The following ITGB7 variants were observed in gnomAD, a reference collection of about 807,000 sequenced individuals.
The protein encoded by ITGB7 is integrin subunit beta 7.
In ITGB7, 55 loss-of-function variants were observed where a neutral mutation model predicts 83.4. The ratio of observed to expected loss-of-function variants is 0.66; its 90% CI spans 0.53 to 0.83. The LOEUF (loss-of-function observed/expected upper bound fraction) is 0.83. Ranked by LOEUF, ITGB7 falls within the 40% of genes least tolerant of loss-of-function variation. The probability of loss-of-function intolerance (pLI) is 0.00; values close to 1 mark genes in which losing one functional copy is unlikely to be tolerated. For missense variants in ITGB7, 921 were observed against 1,046.7 expected (o/e 0.88, Z 1.66); for synonymous variants, 454 against 423.6 (o/e 1.07, Z -0.88).
chr12:53,192,161 C>T lies in ITGB7; in HGVS notation c.2156-142G>A, dbSNP rs6580935. On this transcript the variant is annotated intron_variant, in intron 14 of 15. Transcript: ENST00000267082. The stretch of plus-strand genomic sequence containing the variant: ...CAGGGAGGTCCAAGGTTATCCTCAC[C>T]GCCCAGGGCCTTAGCCTCGTCCACT... 6.5e-3 allele frequency: 7,868 copies of T among 1,210,954 alleles called. 386 individuals are homozygous for T. The African/African-American group carries it at 0.1, about 16-fold the overall frequency. 75.0% of individuals were successfully genotyped at this position (1,210,954 alleles called of 1,614,324 possible).
chr12:53,194,442 C>G, intron 9 of ITGB7, 98 bp from the exon 10 acceptor site: 2 of 1,216,592 alleles, frequency 1.6e-6, no homozygotes, highest in Non-Finnish European at 2.3e-6. Flanking sequence ...TGCCAGCACC[C>G]TGCCCTCTGC....
Position 53,196,211 on chromosome 12 carries a change from T to C in ITGB7, c.817-12A>G. Reference sequence around the variant, plus strand: ...CAGCCAATCTGCTCCTGAGTTACAGTGGGGGTGGTAGGCTATGCACCTGGG... The same window carrying C: ...CAGCCAATCTGCTCCTGAGTTACAGCGGGGGTGGTAGGCTATGCACCTGGG... On this transcript the variant is annotated splice_polypyrimidine_tract_variant and intron_variant, in intron 6 of 15. Transcript: ENST00000267082. The C allele has an allele frequency of 1.2e-6, 2 of 1,613,550 alleles. No homozygotes were observed. Among genetic ancestry groups the C allele is most frequent in the Non-Finnish European group, 1.7e-6 (2 of 1,179,578 alleles).
Position 53,196,475 on chromosome 12 carries a change from A to G in ITGB7, c.816+104T>C, listed in dbSNP as rs1942163924. The G allele has an allele frequency of 2.6e-5, 37 of 1,408,110 alleles. No individual in the cohort carries two copies. The South Asian group carries it at 3.4e-4, about 13-fold the overall frequency. The allele number at this position is 1,408,110 out of a possible 1,614,324, so 87.2% of individuals were successfully genotyped here. A position where few individuals can be genotyped will look rare whatever the true frequency, so the allele number is the denominator to read the frequency against. On this transcript the variant is annotated intron_variant, in intron 6 of 15. Transcript: ENST00000267082. ...GCTAAATATACAAACTACAGCAACTATGGTATGAATGGCACCCCCTAGAAC... is the reference window on the plus strand; with the variant it reads ...GCTAAATATACAAACTACAGCAACTGTGGTATGAATGGCACCCCCTAGAAC...
At chr12:53,193,034 C>T (rs1235551296) in intron 12 of ITGB7, 106 bp downstream of exon 12, 10 of 1,368,386 alleles carry the variant, frequency 7.3e-6, no homozygotes. Flanking sequence ...CTAACCCATA[C>T]ACCGGAATCT....
In ITGB7 at chr12:53,197,954, G is replaced by C. The variant is rs527245776; in HGVS notation, c.202-3C>G. 3.3e-6 allele frequency: 5 copies of C among 1,536,974 alleles called. No homozygotes were observed. The African/African-American group carries it at 6.9e-5, about 21-fold the overall frequency. On this transcript the variant is annotated splice_polypyrimidine_tract_variant and splice_region_variant and intron_variant, in intron 3 of 15. Coordinates refer to ENST00000267082, the MANE Select transcript of ITGB7 (RefSeq NM_000889.3). ...GCCTCTCCCGACGCGGTGAAGTTCT[G>C]CTCAGCAAGAAAAGGCGCGTCGGGA...
chr12:53,196,383 G>T, intron 6 of ITGB7, 184 bp from the exon 7 acceptor site: 1 of 995,958 alleles, frequency 1.0e-6, no homozygotes, highest in Non-Finnish European at 1.4e-6. Context: ...GCTAGTGGAG[G>T]CTTACTTGTG....
rs764099131 is a variant in ITGB7 at position 53,192,328 on chromosome 12, A to G, written c.2155+2T>C. The G allele has an allele frequency of 6.2e-7, 1 of 1,613,664 alleles. No individual in the cohort carries two copies. Among genetic ancestry groups the G allele is most frequent in the South Asian group, 1.1e-5 (1 of 91,048 alleles). On this transcript the variant is annotated splice_donor_variant, in intron 14 of 15. Transcript: ENST00000267082. LOFTEE classifies it high-confidence loss of function. ...GGGTTTGTGGCATCCCTGCCCACTTACTTTCTTGGGGTCTCACTCTGAGCA... is the reference window on the plus strand; with the variant it reads ...GGGTTTGTGGCATCCCTGCCCACTTGCTTTCTTGGGGTCTCACTCTGAGCA...
chr12:53,202,029 G>A (rs568917816), intron 1 of ITGB7, among the ~76,000 whole-genome samples: 1 of 152,208 alleles, frequency 6.6e-6, no homozygotes, highest in African/African-American at 2.4e-5. Context: ...TCCAACAAGG[G>A]TGCCAAACCA....
intron 5 of ITGB7, chr12:53,197,191 A>C: frequency 1.8e-6 from 1 of 558,656 alleles, no homozygotes. Flanking sequence ...GACTTGCATC[A>C]GGGCAGGTTC....
chr12:53,197,356 G>T, intron 5 of ITGB7, 137 bp downstream of exon 5: 1 of 936,192 alleles, frequency 1.1e-6, no homozygotes, highest in Non-Finnish European at 1.8e-6. Flanking sequence ...ATGCAGGAAC[G>T]AACCTGTGGC....
intron 1 of ITGB7, among the ~76,000 whole-genome samples, chr12:53,205,400 G>C (rs1942418209): frequency 6.6e-6 from 1 of 151,914 alleles, no homozygotes; most frequent in African/African-American, 2.4e-5. Context: ...TGTTGCCCAG[G>C]CTGGTCTAGA....
intron 14 of ITGB7, 69 bp from the exon 15 acceptor site, chr12:53,192,088 T>C: frequency 6.5e-7 from 1 of 1,545,850 alleles, no homozygotes; most frequent in East Asian, 2.3e-5. Flanking sequence ...TTGCTCACAG[T>C]GTGTCCAGCC....
In ITGB7 at chr12:53,197,936, C is replaced by T; in HGVS notation, c.217G>A (p.Gly73Arg). 1.3e-6 allele frequency: 2 copies of T among 1,541,812 alleles called. No homozygotes were observed. The highest frequency in any genetic ancestry group is 1.7e-6 in the Non-Finnish European group (2 of 1,151,428). Residue 73 changes from glycine to arginine, a missense_variant, in exon 4 of 16, where the codon GGA becomes AGA. Coordinates refer to ENST00000267082, the MANE Select transcript of ITGB7 (RefSeq NM_000889.3). ...GCGCAGCGCCGCGCCTCCGCCTCTCCCGACGCGGTGAAGTTCTGCTCAGCA... is the reference window on the plus strand; with the variant it reads ...GCGCAGCGCCGCGCCTCCGCCTCTCTCGACGCGGTGAAGTTCTGCTCAGCA... ...WCKQLNFTAS[G>R]EAEARRCARR...
intron 1 of ITGB7, among the ~76,000 whole-genome samples, chr12:53,202,156 C>T (rs1007473499): frequency 3.3e-5 from 5 of 151,838 alleles, no homozygotes; most frequent in African/African-American, 1.2e-4. Context: ...GTCAGGAGTT[C>T]GAGACCAGCC....
In ITGB7 at chr12:53,191,948, C is replaced by T; in HGVS notation, c.2227G>A (p.Val743Ile). The T allele has an allele frequency of 6.2e-7, 1 of 1,611,604 alleles. No individual in the cohort carries two copies. Among genetic ancestry groups the T allele is most frequent in the Non-Finnish European group, 8.5e-7 (1 of 1,179,982 alleles). The part of the protein sequence containing the change: ...GGIVAVGLGL[V>I]LAYRLSVEIY... ...TCCACCGAGAGCCGGTAAGCCAGGACCAGCCCCAGCCCCACTGCCACGATG... is the reference window on the plus strand; with the variant it reads ...TCCACCGAGAGCCGGTAAGCCAGGATCAGCCCCAGCCCCACTGCCACGATG... The change falls in exon 15 of 16, where the codon GTC becomes ATC. Residue 743 changes from valine to isoleucine, a missense_variant. Transcript: ENST00000267082.
Position 53,195,358 on chromosome 12 carries a change from T to C in ITGB7, c.1161+16A>G. 1 of 1,593,420 alleles carries C rather than the reference T, an allele frequency of 6.3e-7. No homozygotes were observed. Among genetic ancestry groups the C allele is most frequent in the Non-Finnish European group, 8.6e-7 (1 of 1,162,040 alleles). ...AGTGCCCACCCTCACCATCTCCCCTTCCCCTGGCCCCTCACATTATAAGCA... is the reference window on the plus strand; with the variant it reads ...AGTGCCCACCCTCACCATCTCCCCTCCCCCTGGCCCCTCACATTATAAGCA... On this transcript the variant is annotated intron_variant, in intron 9 of 15. Transcript: ENST00000267082.
chr12:53,193,433 A>G (rs773805430), intron 11 of ITGB7, 70 bp from the exon 12 acceptor site: 15 of 1,135,428 alleles, frequency 1.3e-5, no homozygotes, highest in Admixed American at 2.9e-5. Flanking sequence ...CTCTCCCAGG[A>G]ACCTCTAAAC....
At position 53,196,216 on chromosome 12, in the gene ITGB7, G is replaced by A. The variant is rs750428360; in HGVS notation, c.817-17C>T. 2 of 1,613,038 alleles carry A rather than the reference G, an allele frequency of 1.2e-6. No homozygotes were observed. Among genetic ancestry groups the A allele is most frequent in the South Asian group, 1.1e-5 (1 of 91,046 alleles). ...AATCTGCTCCTGAGTTACAGTGGGG[G>A]TGGTAGGCTATGCACCTGGGCATGG... On this transcript the variant is annotated splice_polypyrimidine_tract_variant and intron_variant, in intron 6 of 15. Coordinates refer to ENST00000267082, the MANE Select transcript of ITGB7 (RefSeq NM_000889.3).
rs770903705 is a variant in ITGB7 at position 53,192,801 on chromosome 12, G to C, written c.1836C>G (p.Leu612=). 4 of 1,614,234 alleles carry C rather than the reference G, an allele frequency of 2.5e-6. No individual in the cohort carries two copies. Among genetic ancestry groups the C allele is most frequent in the Non-Finnish European group, 2.5e-6 (3 of 1,180,044 alleles). ...ATTTGCAGCGTCCATGCCCACTGCAGAGCCCTCCCTCGGGACTGATGCAAC... is the reference window on the plus strand; with the variant it reads ...ATTTGCAGCGTCCATGCCCACTGCACAGCCCTCCCTCGGGACTGATGCAAC... ...MDSCISPEGG[L]CSGHGRCKCN... Residue 612 remains leucine (L), a synonymous_variant, in exon 13 of 16, where the codon CTC becomes CTG. Transcript: ENST00000267082.
Sources: allele counts gnomAD v4.1 joint callset (sites outside exome capture counted in the v4.1 genomes callset), GRCh38; gene constraint gnomAD v4.1.1; transcripts MANE v1.5; gene names NCBI Gene and HGNC (gene_info 2026-07-23, HGNC 2026-07-21).